RERG: variants seen among roughly 807,000 people sequenced by gnomAD.
RERG encodes the protein RAS like estrogen regulated growth inhibitor, also known as ras-related and estrogen-regulated growth inhibitor.
Under a neutral mutation model 23.2 loss-of-function variants are expected in RERG, and 25 were observed. The ratio of observed to expected loss-of-function variants is 1.08; its 90% CI spans 0.79 to 1.50. The LOEUF (loss-of-function observed/expected upper bound fraction) is 1.50, where lower values mean the gene tolerates loss of function less well. Among genes scored for constraint, RERG ranks in the 40% most tolerant of loss-of-function variants. RERG has a pLI of 0.00. For missense variants in RERG, 253 were observed against 250.1 expected, an observed-to-expected ratio of 1.01 and a Z score of -0.08; for synonymous variants, 81 against 89.1, an observed-to-expected ratio of 0.91 and a Z score of 0.51.
chr12:15,197,419 C>T (rs747698196), intron 2 of RERG, among the ~76,000 whole-genome samples: 4 of 152,026 alleles, frequency 2.6e-5, no homozygotes, highest in Non-Finnish European at 4.4e-5. Context: ...TGAGCAAGGC[C>T]AGAAACTGAA....
At chr12:15,188,890 G>A (rs887684131) in intron 2 of RERG, among the ~76,000 whole-genome samples, 5 of 152,074 alleles carry the variant, frequency 3.3e-5, no homozygotes, top group African/African-American at 9.7e-5. Context: ...AGACGCCCAC[G>A]CACTCTCAGA....
At chr12:15,153,410 C>G (rs1441414759) in intron 2 of RERG, among the ~76,000 whole-genome samples, 1 of 151,884 alleles carries the variant, frequency 6.6e-6, no homozygotes, top group Non-Finnish European at 1.5e-5. Flanking sequence ...ATAACAGGGC[C>G]CTAGACATGC....
intron 2 of RERG, among the ~76,000 whole-genome samples, chr12:15,157,866 G>C (rs909691060): frequency 6.6e-6 from 1 of 152,058 alleles, no homozygotes; most frequent in East Asian, 1.9e-4. Flanking sequence ...TGTTTATCCA[G>C]ATCCACAAAC....
chr12:15,149,571 A>G (rs571813565), intron 2 of RERG, among the ~76,000 whole-genome samples: 1 of 152,284 alleles, frequency 6.6e-6, no homozygotes, highest in African/African-American at 2.4e-5. Flanking sequence ...TGTGTTGCAT[A>G]CTGGAGGGGA....
At chr12:15,160,282 C>T (rs898510546) in intron 2 of RERG, among the ~76,000 whole-genome samples, 3 of 152,070 alleles carry the variant, frequency 2.0e-5, no homozygotes, top group African/African-American at 4.8e-5. Context: ...CTGTGACCCT[C>T]GCTGGGCAGC....
intron 3 of RERG, among the ~76,000 whole-genome samples, chr12:15,113,945 T>C (rs1387878686): frequency 2.0e-5 from 3 of 151,958 alleles, no homozygotes; most frequent in Non-Finnish European, 4.4e-5. Flanking sequence ...ATGCACAAAT[T>C]TACCAAGGCC....
At chr12:15,120,223 T>C (rs890141772) in intron 3 of RERG, among the ~76,000 whole-genome samples, 1 of 152,188 alleles carries the variant, frequency 6.6e-6, no homozygotes, top group African/African-American at 2.4e-5. Context: ...CTCTATTCCC[T>C]TCCTTATTGT....
intron 2 of RERG, among the ~76,000 whole-genome samples, chr12:15,154,009 G>A (rs978697066): frequency 1.3e-5 from 2 of 152,128 alleles, no homozygotes; most frequent in Admixed American, 6.6e-5. Context: ...GCCAAGGACG[G>A]CCTGAGGTTA....
At chr12:15,177,096 T>A (rs1864860503) in intron 2 of RERG, among the ~76,000 whole-genome samples, 3 of 152,228 alleles carry the variant, frequency 2.0e-5, no homozygotes, top group Admixed American at 1.3e-4. Flanking sequence ...CATAATCCTT[T>A]GTCAACATTC....
At chr12:15,170,837 TA>T (rs1463542942) in intron 2 of RERG, among the ~76,000 whole-genome samples, 2 of 152,152 alleles carry the variant, frequency 1.3e-5, no homozygotes, top group Non-Finnish European at 2.9e-5. Context: ...ATCACTTTCC[TA>T]AAAACCAGAG....
chr12:15,177,596 A>G (rs1177277881), intron 2 of RERG, among the ~76,000 whole-genome samples: 1 of 152,192 alleles, frequency 6.6e-6, no homozygotes, highest in Non-Finnish European at 1.5e-5. Flanking sequence ...GTGGCTCCAC[A>G]TTTGAGCATG....
At chr12:15,181,153 C>G (rs1864918095) in intron 2 of RERG, among the ~76,000 whole-genome samples, 1 of 152,092 alleles carries the variant, frequency 6.6e-6, no homozygotes, top group African/African-American at 2.4e-5. Flanking sequence ...TTGCAGTAGT[C>G]CAAAGAAAGT....
chr12:15,213,629 T>A (rs2136149150), intron 2 of RERG, among the ~76,000 whole-genome samples: 1 of 152,346 alleles, frequency 6.6e-6, no homozygotes, highest in East Asian at 1.9e-4. Context: ...ATTACACACA[T>A]GTGCGTGCAC....
At chr12:15,141,797 C>T (rs1356119727) in intron 2 of RERG, among the ~76,000 whole-genome samples, 1 of 152,210 alleles carries the variant, frequency 6.6e-6, no homozygotes, top group East Asian at 1.9e-4. Flanking sequence ...AATTAGAAGT[C>T]TGTTCCAGCT....
intron 2 of RERG, among the ~76,000 whole-genome samples, chr12:15,146,752 C>T (rs763354371): frequency 2.0e-5 from 3 of 152,198 alleles, no homozygotes; most frequent in Non-Finnish European, 4.4e-5. Flanking sequence ...CCCATCTAAA[C>T]TGACAACTGT....
rs558389362 is a variant in RERG at position 15,175,054 on chromosome 12, T to C, written c.61+42375A>G. On this transcript the variant is annotated intron_variant, in intron 2 of 4. Transcript: ENST00000256953. ...TGTCTCATAATTTCTTGTTGAAAATTGGACATTTTAAATAATATAATGTGG... is the reference window on the plus strand; with the variant it reads ...TGTCTCATAATTTCTTGTTGAAAATCGGACATTTTAAATAATATAATGTGG... Among the ~76,000 whole-genome samples, 193 of 152,252 alleles carry C rather than the reference T, an allele frequency of 1.3e-3. 2 individuals carry two copies. Among genetic ancestry groups the C allele is most frequent in the Non-Finnish European group, 1.3e-3 (87 of 68,008 alleles).
chr12:15,152,289 CT>C (rs1460688526), intron 2 of RERG, among the ~76,000 whole-genome samples: 32 of 152,242 alleles, frequency 2.1e-4, no homozygotes, highest in Non-Finnish European at 3.7e-4. Flanking sequence ...TCTGGCTGTC[CT>C]ACTGACTTGG....
chr12:15,193,099 C>T (rs1865094787), intron 2 of RERG, among the ~76,000 whole-genome samples: 2 of 152,084 alleles, frequency 1.3e-5, no homozygotes, highest in Non-Finnish European at 1.5e-5. Flanking sequence ...AATTTCTACC[C>T]ACTAAATCTA....
At chr12:15,199,469 G>A (rs1427836769) in intron 2 of RERG, among the ~76,000 whole-genome samples, 1 of 152,002 alleles carries the variant, frequency 6.6e-6, no homozygotes, top group Non-Finnish European at 1.5e-5. Flanking sequence ...CTACGTTGGA[G>A]GTAGACACTT....
Sources: gnomAD v4.1 joint callset for allele counts (sites outside exome capture counted in the v4.1 genomes callset) on GRCh38, gnomAD v4.1.1 for gene constraint, MANE v1.5 for transcripts, NCBI Gene and HGNC (gene_info 2026-07-23, HGNC 2026-07-21) for gene names.